The following DAB1 variants were observed in gnomAD, a reference collection of about 807,000 sequenced individuals.
DAB1 encodes the protein disabled homolog 1.
In DAB1, 15 loss-of-function variants were observed where a neutral mutation model predicts 64.6. The ratio of observed to expected loss-of-function variants is 0.23; its 90% CI spans 0.16 to 0.36. DAB1 has a LOEUF of 0.36. DAB1 is among the 10% of genes least tolerant of loss of function. DAB1 has a pLI of 1.00. For missense variants in DAB1, 596 were observed against 706.7 expected, an observed-to-expected ratio of 0.84 and a Z score of 1.78; for synonymous variants, 235 against 251.9, an observed-to-expected ratio of 0.93 and a Z score of 0.64.
intron 6 of DAB1, among the ~76,000 whole-genome samples, chr1:57,740,231 A>T (rs553464111): frequency 2.6e-5 from 4 of 152,246 alleles, no homozygotes; most frequent in South Asian, 2.1e-4. Flanking sequence ...ATAATATTTT[A>T]AAAATCATCC....
chr1:57,088,176 T>C (rs1360121824), intron 4 of DAB1, among the ~76,000 whole-genome samples: 3 of 152,236 alleles, frequency 2.0e-5, no homozygotes, highest in Admixed American at 1.3e-4. Flanking sequence ...GTTCAAGTGA[T>C]TCTCATGCCT....
intron 6 of DAB1, among the ~76,000 whole-genome samples, chr1:57,727,508 G>T (rs555438062): frequency 1.1e-4 from 17 of 152,146 alleles, no homozygotes; most frequent in Non-Finnish European, 2.5e-4. Context: ...GCCAGGCAGG[G>T]ATGGCAACGT....
chr1:58,014,756 C>T (rs1646715247), intron 5 of DAB1, among the ~76,000 whole-genome samples: 1 of 152,072 alleles, frequency 6.6e-6, no homozygotes, highest in South Asian at 2.1e-4. Flanking sequence ...GTCAGATTAA[C>T]GAATGGCTGA....
intron 3 of DAB1, among the ~76,000 whole-genome samples, chr1:58,448,251 A>T (rs1645093352): frequency 6.6e-6 from 1 of 152,212 alleles, no homozygotes; most frequent in African/African-American, 2.4e-5. Context: ...TTAGATCAAG[A>T]TTAACCCACT....
At chr1:57,046,008 C>T (rs1485037289) in intron 9 of DAB1, among the ~76,000 whole-genome samples, 2 of 152,178 alleles carry the variant, frequency 1.3e-5, no homozygotes, top group African/African-American at 4.8e-5. Flanking sequence ...CTCTCCTTAG[C>T]ATCTCAACCT....
chr1:58,048,399 C>A, intron 5 of DAB1: 1 of 934,490 alleles, frequency 1.1e-6, no homozygotes, highest in Non-Finnish European at 1.8e-6. Context: ...CTGCCACTGC[C>A]AAAGCTACCT....
At chr1:57,266,473 A>T (rs1670597408) in intron 2 of DAB1, among the ~76,000 whole-genome samples, 1 of 152,124 alleles carries the variant, frequency 6.6e-6, no homozygotes, top group South Asian at 2.1e-4. Flanking sequence ...ATCAACTTTT[A>T]TGATCTAGGC....
intron 1 of DAB1, among the ~76,000 whole-genome samples, chr1:57,372,943 G>A (rs1454017682): frequency 2.6e-5 from 4 of 151,850 alleles, no homozygotes; most frequent in East Asian, 1.9e-4. Flanking sequence ...TTGGGAGGCC[G>A]AGGTGAGAGG....
chr1:58,241,013 T>C (rs1660267789), intron 4 of DAB1, among the ~76,000 whole-genome samples: 1 of 152,118 alleles, frequency 6.6e-6, no homozygotes. Flanking sequence ...GAATTTTAAA[T>C]CCACACATAA....
chr1:57,024,797 C>G (rs529430842), intron 10 of DAB1, among the ~76,000 whole-genome samples: 1 of 152,188 alleles, frequency 6.6e-6, no homozygotes, highest in Non-Finnish European at 1.5e-5. Flanking sequence ...CCCTGCCGTT[C>G]TGCAACTCCA....
At chr1:58,224,735 T>C (rs1358861521) in intron 4 of DAB1, among the ~76,000 whole-genome samples, 1 of 152,108 alleles carries the variant, frequency 6.6e-6, no homozygotes, top group African/African-American at 2.4e-5. Context: ...TAATAAATGG[T>C]GCTGGGAAAA....
upstream of DAB1, chr1:57,424,154 CGCCCCCCGCGCCCGCCCG>C (rs1258918989): frequency 6.7e-6 from 1 of 148,656 alleles, no homozygotes; most frequent in Admixed American, 6.7e-5. Context: ...CCCGCCCCGC[CGCCCCCCGCGCCCGCCCG>C]GCGCCCCGCG....
At chr1:57,463,694 A>G (rs1686862792) in intron 7 of DAB1, among the ~76,000 whole-genome samples, 1 of 152,140 alleles carries the variant, frequency 6.6e-6, no homozygotes, top group Non-Finnish European at 1.5e-5. Flanking sequence ...ACAGGATTCT[A>G]TTGGATTCTA....
chr1:58,491,739 A>G (rs1569881271), intron 3 of DAB1, among the ~76,000 whole-genome samples: 1 of 152,244 alleles, frequency 6.6e-6, no homozygotes, highest in Non-Finnish European at 1.5e-5. Context: ...TATGCACCCA[A>G]TACAGGAGCA....
chr1:57,359,497 A>T (rs1241391963), intron 1 of DAB1, among the ~76,000 whole-genome samples: 1 of 152,110 alleles, frequency 6.6e-6, no homozygotes, highest in African/African-American at 2.4e-5. Flanking sequence ...ATGGAAATGT[A>T]GATTAGTACA....
intron 3 of DAB1, among the ~76,000 whole-genome samples, chr1:58,487,146 A>G (rs538071689): frequency 2.0e-5 from 3 of 152,272 alleles, no homozygotes; most frequent in African/African-American, 4.8e-5. Context: ...ACTTGGGAGG[A>G]GATGATGGTG....
chr1:57,356,043 A>G (rs1400054426), intron 1 of DAB1, among the ~76,000 whole-genome samples: 2 of 151,964 alleles, frequency 1.3e-5, no homozygotes, highest in Non-Finnish European at 2.9e-5. Flanking sequence ...AATTTTATTT[A>G]TTGTCTATTT....
intron 6 of DAB1, among the ~76,000 whole-genome samples, chr1:57,728,468 C>A (rs760718543): frequency 6.6e-6 from 1 of 152,068 alleles, no homozygotes; most frequent in Non-Finnish European, 1.5e-5. Context: ...GTGGCGGGCA[C>A]CTGTAGTTCC....
rs1645683567 is a variant in DAB1 at position 56,997,711 on chromosome 1, G to C, written c.*433C>G. 6.6e-6 allele frequency: 1 copy of C among 152,154 alleles called. No homozygotes were observed. The highest frequency in any genetic ancestry group is 1.5e-5 in the Non-Finnish European group (1 of 68,040). 9.4% of individuals were successfully genotyped at this position (152,154 alleles called of 1,614,324 possible). ...GCTTAAAGAAGTCAGTTCCAACCCT[G>C]TTGTAATCCTCTGATGCCTGTCACT... On this transcript the variant is annotated 3_prime_UTR_variant, in exon 15 of 15. Coordinates refer to ENST00000371236, the MANE Select transcript of DAB1 (RefSeq NM_001365792.1).
Sources: gnomAD v4.1 joint callset for allele counts (sites outside exome capture counted in the v4.1 genomes callset) on GRCh38, gnomAD v4.1.1 for gene constraint, MANE v1.5 for transcripts, NCBI Gene and HGNC (gene_info 2026-07-23, HGNC 2026-07-21) for gene names.